B3GALT1: variants seen among roughly 807,000 people sequenced by gnomAD.
B3GALT1 encodes beta-1,3-galactosyltransferase 1.
In B3GALT1, 10 loss-of-function variants were observed where a neutral mutation model predicts 23.2. That is an observed-to-expected ratio of 0.43 (90% confidence interval 0.27 to 0.73). The LOEUF is 0.73. Ranked by LOEUF, B3GALT1 falls within the 30% of genes least tolerant of loss-of-function variation. The pLI is 0.21. For missense variants in B3GALT1, 299 were observed against 405.4 expected, an observed-to-expected ratio of 0.74 and a Z score of 2.25; for synonymous variants, 156 against 141.5, an observed-to-expected ratio of 1.10 and a Z score of -0.73.
intron 2 of B3GALT1, among the ~76,000 whole-genome samples, chr2:167,618,951 T>C (rs1177727841): frequency 6.6e-6 from 1 of 151,990 alleles, no homozygotes; most frequent in African/African-American, 2.4e-5. Flanking sequence ...TACCTTTTTT[T>C]TTTCTTTCTA....
intron 2 of B3GALT1, among the ~76,000 whole-genome samples, chr2:167,557,762 C>T (rs1296552604): frequency 1.3e-5 from 2 of 151,884 alleles, no homozygotes; most frequent in African/African-American, 2.4e-5. Context: ...ATGTACTTTT[C>T]TGTTCCACGT....
In B3GALT1 at chr2:167,394,911, G is replaced by A. The variant is rs533153636; in HGVS notation, c.-510-95266G>A. Reference sequence around the variant, plus strand: ...AATGTCTGTATCTGTTATCTTATGCGTTCCACCATTGTGCTTTGGGAACAG... The same window carrying A: ...AATGTCTGTATCTGTTATCTTATGCATTCCACCATTGTGCTTTGGGAACAG... On this transcript the variant is annotated intron_variant, in intron 1 of 4. Coordinates refer to ENST00000392690, the MANE Select transcript of B3GALT1 (RefSeq NM_020981.4). Among the ~76,000 whole-genome samples the A allele has an allele frequency of 6.6e-5, 10 of 152,148 alleles. No homozygotes were observed. The South Asian group carries it at 1.2e-3, about 19-fold the overall frequency.
chr2:167,631,240 T>G (rs927075419), intron 2 of B3GALT1, among the ~76,000 whole-genome samples: 1 of 151,894 alleles, frequency 6.6e-6, no homozygotes, highest in African/African-American at 2.4e-5. Flanking sequence ...AACCAATGAT[T>G]CTGTGCAGAG....
chr2:167,488,226 G>T (rs977889497), intron 1 of B3GALT1, among the ~76,000 whole-genome samples: 3 of 152,128 alleles, frequency 2.0e-5, no homozygotes, highest in African/African-American at 7.2e-5. Flanking sequence ...AGCACACATT[G>T]GCTTAGGGTT....
intron 1 of B3GALT1, among the ~76,000 whole-genome samples, chr2:167,441,228 T>C (rs1275613453): frequency 6.6e-6 from 1 of 152,238 alleles, no homozygotes; most frequent in Non-Finnish European, 1.5e-5. Context: ...CACTTTTGAC[T>C]TGGATTCCAG....
chr2:167,555,538 T>A (rs1683830040), intron 2 of B3GALT1, among the ~76,000 whole-genome samples: 1 of 152,304 alleles, frequency 6.6e-6, no homozygotes, highest in Admixed American at 6.5e-5. Context: ...CATTTTACTT[T>A]TATACACTGT....
chr2:167,487,028 T>C (rs1001614120), intron 1 of B3GALT1, among the ~76,000 whole-genome samples: 1 of 152,218 alleles, frequency 6.6e-6, no homozygotes, highest in East Asian at 1.9e-4. Flanking sequence ...GTGAAATGTA[T>C]ACAAACAGGA....
At chr2:167,819,704 TG>T (rs1369423995) in intron 4 of B3GALT1, among the ~76,000 whole-genome samples, 1 of 152,166 alleles carries the variant, frequency 6.6e-6, no homozygotes, top group Non-Finnish European at 1.5e-5. Context: ...GAAATACAAT[TG>T]TTAGTGGAAG....
In B3GALT1 at chr2:167,430,982, C is replaced by T. The variant is rs77094673; in HGVS notation, c.-510-59195C>T. On this transcript the variant is annotated intron_variant, in intron 1 of 4. Transcript: ENST00000392690. ...GAACTGCTTATCCTTCAGGCAGTTT[C>T]CCATATTATTTCTTATAACTGCAAT... 3.5e-4 allele frequency among the ~76,000 whole-genome samples: 53 copies of T among 152,288 alleles called. No homozygotes were observed. In the East Asian group the frequency reaches 9.8e-3, roughly 28 times the overall value.
intron 1 of B3GALT1, among the ~76,000 whole-genome samples, chr2:167,294,032 A>G (rs1201409928): frequency 6.6e-6 from 1 of 152,168 alleles, no homozygotes; most frequent in Non-Finnish European, 1.5e-5. Flanking sequence ...TCTGGAGCGC[A>G]GACTTGAGGA....
At chr2:167,576,281 A>G (rs1684382491) in intron 2 of B3GALT1, among the ~76,000 whole-genome samples, 1 of 151,766 alleles carries the variant, frequency 6.6e-6, no homozygotes, top group Admixed American at 6.6e-5. Context: ...AAAAATCAAA[A>G]TGTCAAAACT....
In B3GALT1 at chr2:167,565,201, T is replaced by G. The variant is rs10197573; in HGVS notation, c.-410+74924T>G. ...AGAACAGAGCCCTCAGAAATAATGC[T>G]GCATATCTACAACTATCTGATCTTT... is the stretch of plus-strand genomic sequence containing the variant. On this transcript the variant is annotated intron_variant, in intron 2 of 4. Coordinates refer to ENST00000392690, the MANE Select transcript of B3GALT1 (RefSeq NM_020981.4). Among the ~76,000 whole-genome samples the G allele has an allele frequency of 2.0e-5, 3 of 152,112 alleles. No homozygotes were observed. In the East Asian group the frequency reaches 5.8e-4, roughly 29 times the overall value.
chr2:167,806,749 A>T (rs1331517615), intron 3 of B3GALT1, among the ~76,000 whole-genome samples: 2 of 152,106 alleles, frequency 1.3e-5, no homozygotes, highest in African/African-American at 4.8e-5. Flanking sequence ...GCATCGATGT[A>T]CATCAGGGAT....
chr2:167,512,893 C>G (rs1446690212), intron 2 of B3GALT1, among the ~76,000 whole-genome samples: 3 of 148,460 alleles, frequency 2.0e-5, no homozygotes, highest in Non-Finnish European at 4.5e-5. Flanking sequence ...ATCTGCCTGC[C>G]TCAGCCTCCC....
intron 2 of B3GALT1, among the ~76,000 whole-genome samples, chr2:167,586,180 TAA>T (rs1684581800): frequency 6.6e-6 from 1 of 152,250 alleles, no homozygotes; most frequent in Admixed American, 6.5e-5. Context: ...ATTCAATTTA[TAA>T]GAGACTCTTT....
At chr2:167,450,890 TTCTTA>T (rs1699079129) in intron 1 of B3GALT1, among the ~76,000 whole-genome samples, 1 of 151,778 alleles carries the variant, frequency 6.6e-6, no homozygotes, top group African/African-American at 2.4e-5. Context: ...TGTTCATTTT[TTCTTA>T]TCTTTTTTCT....
At chr2:167,721,769 C>T (rs1347266560) in intron 3 of B3GALT1, among the ~76,000 whole-genome samples, 3 of 152,198 alleles carry the variant, frequency 2.0e-5, no homozygotes, top group Admixed American at 2.0e-4. Flanking sequence ...GGGCTCTGAG[C>T]GTACCCTGGC....
intron 2 of B3GALT1, among the ~76,000 whole-genome samples, chr2:167,637,654 C>T (rs903016623): frequency 6.6e-6 from 1 of 152,020 alleles, no homozygotes; most frequent in African/African-American, 2.4e-5. Context: ...ATCCCCACTT[C>T]CATCCTCACA....
chr2:167,566,342 G>A (rs1684166220), intron 2 of B3GALT1, among the ~76,000 whole-genome samples: 1 of 151,552 alleles, frequency 6.6e-6, no homozygotes, highest in South Asian at 2.1e-4. Flanking sequence ...CACACTCTGG[G>A]GACTGTTTTG....
Sources: allele counts gnomAD v4.1 joint callset (sites outside exome capture counted in the v4.1 genomes callset), GRCh38; gene constraint gnomAD v4.1.1; transcripts MANE v1.5; gene names NCBI Gene and HGNC (gene_info 2026-07-23, HGNC 2026-07-21).